The following CLGN variants were observed in gnomAD, a reference collection of about 807,000 sequenced individuals.
CLGN encodes calmegin.
CLGN carries 62 observed loss-of-function variants against 79.1 expected under a neutral mutation model. That is an observed-to-expected ratio of 0.78 (90% CI 0.64 to 0.97). The LOEUF is 0.97. Ranked by LOEUF, CLGN falls within the 50% of genes least tolerant of loss-of-function variation. The pLI, the probability that CLGN is intolerant of heterozygous loss-of-function variation, is 0.00. For synonymous variants in CLGN, 225 were observed against 224.7 expected (o/e 1.00, Z -0.01); for missense variants, 647 against 715.5 (o/e 0.90, Z 1.09).
chr4:140,398,749 A>G, intron 8 of CLGN, 102 bp downstream of exon 8: 1 of 977,282 alleles, frequency 1.0e-6, no homozygotes, highest in Non-Finnish European at 1.6e-6. Flanking sequence ...AGTAGTTCTG[A>G]TGTTTAAAAA....
chr4:140,398,320 G>A (rs994579121), intron 8 of CLGN, among the ~76,000 whole-genome samples: 4 of 138,104 alleles, frequency 2.9e-5, no homozygotes, highest in Non-Finnish European at 6.1e-5. Context: ...CCAGGCTGGA[G>A]TGCAGTGGCA....
At chr4:140,424,132 T>C (rs1173797242) in intron 1 of CLGN, among the ~76,000 whole-genome samples, 2 of 152,174 alleles carry the variant, frequency 1.3e-5, no homozygotes. Flanking sequence ...ATCTTTTGTT[T>C]TTCATGTAAG....
intron 7 of CLGN, among the ~76,000 whole-genome samples, chr4:140,399,399 T>A (rs1015271125): frequency 5.9e-5 from 9 of 152,200 alleles, no homozygotes; most frequent in African/African-American, 2.2e-4. Context: ...CATCTTAAAG[T>A]GTTGTAAGTA....
rs757767269 is a variant in CLGN at position 140,400,442 on chromosome 4, T to G, written c.609A>C (p.Gly203=). ...FIFRHKHPKT[G]VFEEKHAKPP... Reference sequence around the variant, plus strand: ...GTTTGGCATGTTTCTCTTCGAAAACTCCAGTTTTGGGATGTTTATGTCTGA... The same window carrying G: ...GTTTGGCATGTTTCTCTTCGAAAACGCCAGTTTTGGGATGTTTATGTCTGA... The change falls in exon 7 of 15, where the codon GGA becomes GGC. Residue 203 remains glycine (G), a synonymous_variant. Coordinates refer to ENST00000325617, the MANE Select transcript of CLGN (RefSeq NM_004362.3). The G allele has an allele frequency of 6.2e-7, 1 of 1,612,840 alleles. No individual in the cohort carries two copies. Among genetic ancestry groups the G allele is most frequent in the South Asian group, 1.1e-5 (1 of 91,024 alleles).
chr4:140,401,863 A>T (rs569532691), intron 6 of CLGN, 122 bp downstream of exon 6: 1 of 591,384 alleles, frequency 1.7e-6, no homozygotes, highest in East Asian at 3.3e-5. Context: ...ATTCACATTG[A>T]AAAAAGATAT....
intron 5 of CLGN, among the ~76,000 whole-genome samples, chr4:140,405,581 C>T (rs978746708): frequency 6.6e-6 from 1 of 152,106 alleles, no homozygotes; most frequent in Non-Finnish European, 1.5e-5. Flanking sequence ...GTATATATCA[C>T]ATAATTTTTA....
intron 1 of CLGN, among the ~76,000 whole-genome samples, chr4:140,413,853 C>T (rs1319772085): frequency 6.6e-6 from 1 of 152,392 alleles, no homozygotes; most frequent in South Asian, 2.1e-4. Context: ...GCGGAGCCCA[C>T]CACAGCTCAA....
intron 8 of CLGN, among the ~76,000 whole-genome samples, chr4:140,396,462 T>C (rs1198527914): frequency 6.6e-6 from 1 of 152,166 alleles, no homozygotes; most frequent in African/African-American, 2.4e-5. Flanking sequence ...CATAATGTAT[T>C]AGACCTTGCT....
At chr4:140,390,354 A>G (rs759803228) in intron 14 of CLGN, among the ~76,000 whole-genome samples, 2 of 151,808 alleles carry the variant, frequency 1.3e-5, no homozygotes, top group Non-Finnish European at 3.0e-5. Flanking sequence ...TAGAATTTCA[A>G]TGAGAAAGTC....
intron 4 of CLGN, among the ~76,000 whole-genome samples, chr4:140,408,546 A>G (rs989728911): frequency 9.2e-5 from 14 of 152,110 alleles, no homozygotes; most frequent in African/African-American, 3.1e-4. Flanking sequence ...AAGAAGATAT[A>G]GAAATGGCCA....
rs1200323159 is a variant in CLGN at position 140,392,292 on chromosome 4, C to A, written c.1578G>T (p.Glu526Asp). Residue 526 changes from glutamate to aspartate, a missense_variant, in exon 13 of 15, where the codon GAG becomes GAT. Physicochemically the swap from Glu to Asp is conservative, Grantham distance 45. Coordinates refer to ENST00000325617, the MANE Select transcript of CLGN (RefSeq NM_004362.3). ...KGVLEQEEKE[E>D]KAALEKPMDL... ...CCATTGGTTTTTCCAGGGCTGCTTT[C>A]TCTTCCTTTTCTTCTTGCTCTAGTA... is the stretch of plus-strand genomic sequence containing the variant. The A allele has an allele frequency of 6.2e-7, 1 of 1,613,334 alleles. No homozygotes were observed. Among genetic ancestry groups the A allele is most frequent in the East Asian group, 2.2e-5 (1 of 44,858 alleles).
chr4:140,404,965 G>T (rs1729072370), intron 5 of CLGN, among the ~76,000 whole-genome samples: 1 of 151,618 alleles, frequency 6.6e-6, no homozygotes, highest in African/African-American at 2.4e-5. Flanking sequence ...GCCAGGCATG[G>T]TGGGGAGGTG....
At chr4:140,396,882 T>TATATACAC (rs1360191609) in intron 8 of CLGN, among the ~76,000 whole-genome samples, 1 of 58,428 alleles carries the variant, frequency 1.7e-5, no homozygotes, top group Non-Finnish European at 2.9e-5. Flanking sequence ...TACATATATA[T>TATATACAC]ATATATATGT....
chr4:140,421,845 C>T (rs1729476195), intron 1 of CLGN, among the ~76,000 whole-genome samples: 1 of 152,008 alleles, frequency 6.6e-6, no homozygotes, highest in African/African-American at 2.4e-5. Flanking sequence ...CTTTTGGTGT[C>T]ATATAAAAAT....
chr4:140,420,110 C>T (rs1034237007), intron 1 of CLGN, among the ~76,000 whole-genome samples: 4 of 151,728 alleles, frequency 2.6e-5, no homozygotes, highest in Non-Finnish European at 2.9e-5. Flanking sequence ...CTTTAGGTTC[C>T]AAACAATTAA....
In CLGN at chr4:140,402,066, T is replaced by G; in HGVS notation, c.420A>C (p.Gln140His). The change falls in exon 6 of 15, where the codon CAA (glutamine) becomes CAC (histidine). Residue 140 changes from glutamine (Q) to histidine (H), a missense_variant and splice_region_variant. Coordinates refer to ENST00000325617, the MANE Select transcript of CLGN (RefSeq NM_004362.3). ...FIFADKPLIVQYEVNFQDGID... is the reference protein window; with the variant it reads ...FIFADKPLIVHYEVNFQDGID... ...TACCATCTTGAAAATTTACTTCATA[T>G]CTGAATAAAGGGAAAAAGAACCGTA... The G allele has an allele frequency of 6.5e-7, 1 of 1,540,390 alleles. No individual in the cohort carries two copies.
chr4:140,398,469 A>G (rs1216697246), intron 8 of CLGN, among the ~76,000 whole-genome samples: 1 of 151,952 alleles, frequency 6.6e-6, no homozygotes, highest in Non-Finnish European at 1.5e-5. Context: ...GGGTTTCGCC[A>G]TGTTGGCCAA....
At position 140,392,316 on chromosome 4, in the gene CLGN, T is replaced by A. The variant is rs1251035671; in HGVS notation, c.1554A>T (p.Val518=). 6.2e-7 allele frequency: 1 copy of A among 1,613,464 alleles called. No individual in the cohort carries two copies. The highest frequency in any genetic ancestry group is 8.5e-7 in the Non-Finnish European group (1 of 1,179,542). Residue 518 remains valine (V), a synonymous_variant, in exon 13 of 15, where the codon GTA becomes GTT. Coordinates refer to ENST00000325617, the MANE Select transcript of CLGN (RefSeq NM_004362.3). ...TCTCTTCCTTTTCTTCTTGCTCTAG[T>A]ACTCCTTTTGTTTGTGGTATACATA... ...TDICIPQTKG[V]LEQEEKEEKA...
intron 14 of CLGN, among the ~76,000 whole-genome samples, chr4:140,389,971 T>C (rs1728742233): frequency 6.6e-6 from 1 of 151,730 alleles, no homozygotes; most frequent in Non-Finnish European, 1.5e-5. Flanking sequence ...CCCAGCTCTT[T>C]AAGGGCCAGA....
Sources: gnomAD v4.1 joint callset for allele counts (sites outside exome capture counted in the v4.1 genomes callset) on GRCh38, gnomAD v4.1.1 for gene constraint, MANE v1.5 for transcripts, NCBI Gene and HGNC (gene_info 2026-07-23, HGNC 2026-07-21) for gene names.